ITGAL: variants seen among roughly 807,000 people sequenced by gnomAD.
ITGAL encodes integrin alpha-L.
A neutral mutation model predicts 138.4 loss-of-function variants in ITGAL; 68 were observed. That is an observed-to-expected ratio of 0.49 (90% confidence interval 0.40 to 0.60). ITGAL has a LOEUF of 0.60. ITGAL is among the 20% of genes least tolerant of loss of function. ITGAL has a pLI of 0.00. For synonymous variants in ITGAL, 561 were observed against 584.3 expected (o/e 0.96, Z 0.57); for missense variants, 1,256 against 1,478.6 (o/e 0.85, Z 2.47).
intron 9 of ITGAL, among the ~76,000 whole-genome samples, chr16:30,488,216 G>A (rs1319636496): frequency 1.3e-5 from 2 of 151,792 alleles, no homozygotes; most frequent in Admixed American, 6.6e-5. Flanking sequence ...AAAGAAAAAG[G>A]GTGTATTTCA....
In ITGAL at chr16:30,506,735, C is replaced by T; in HGVS notation, c.2387C>T (p.Thr796Ile). ...CACAGATCCAGAGCCCTGCGTCTAA[C>T]TGCTTTTGCCAGCCTCTCTGTGGAG... ...SPARSRALRLTAFASLSVELS... is the reference protein window; with the variant it reads ...SPARSRALRLIAFASLSVELS... The change falls in exon 21 of 31, where the codon ACT becomes ATT. Residue 796 changes from threonine (T) to isoleucine (I), a missense_variant. This residue lies in a region of ITGAL where 867 missense variants were observed against 972.5 expected (regional missense o/e 0.89). Coordinates refer to ENST00000356798, the MANE Select transcript of ITGAL (RefSeq NM_002209.3). 1 of 1,613,932 alleles carries T rather than the reference C, an allele frequency of 6.2e-7. No individual in the cohort carries two copies. The highest frequency in any genetic ancestry group is 1.1e-5 in the South Asian group (1 of 91,078).
intron 26 of ITGAL, 90 bp from the exon 27 acceptor site, chr16:30,517,559 G>C (rs1729975697): frequency 9.3e-7 from 1 of 1,078,738 alleles, no homozygotes; most frequent in African/African-American, 1.5e-5. Context: ...AACTCACCCA[G>C]GGCCAGGGCC....
At position 30,494,876 on chromosome 16, in the gene ITGAL, G is replaced by C; in HGVS notation, c.1503+26G>C. 6.4e-7 allele frequency: 1 copy of C among 1,569,746 alleles called. No individual in the cohort carries two copies. The highest frequency in any genetic ancestry group is 8.7e-7 in the Non-Finnish European group (1 of 1,152,160). On this transcript the variant is annotated intron_variant, in intron 13 of 30. Coordinates refer to ENST00000356798, the MANE Select transcript of ITGAL (RefSeq NM_002209.3). This position sits in a 1 kb window ranked among gnomAD's most constrained non-coding sequence, Gnocchi z 4.2. ...GTGGGGCCAGGATCTGGAGCTGAGA[G>C]GGAGGAGGGAGAGCAGCAGAGATTC...
At position 30,475,413 on chromosome 16, in the gene ITGAL, G is replaced by A; in HGVS notation, c.259+13G>A. On this transcript the variant is annotated intron_variant, in intron 3 of 30. Transcript: ENST00000356798. ...GTCACCCTGAGAGGTGAGTAACTGG[G>A]GGGTGAGCTGGGAGGAATGGGATCT... 6.2e-7 allele frequency: 1 copy of A among 1,608,656 alleles called. No individual in the cohort carries two copies. Among genetic ancestry groups the A allele is most frequent in the South Asian group, 1.1e-5 (1 of 90,932 alleles).
At chr16:30,482,354 A>G (rs945125934) in intron 7 of ITGAL, among the ~76,000 whole-genome samples, 1 of 152,158 alleles carries the variant, frequency 6.6e-6, no homozygotes, top group African/African-American at 2.4e-5. Flanking sequence ...AGGGGGGAAA[A>G]TAGTAGGTGA....
In ITGAL at chr16:30,494,201, A is replaced by G. The variant is rs1597081845; in HGVS notation, c.1214-11A>G. On this transcript the variant is annotated splice_polypyrimidine_tract_variant and intron_variant, in intron 11 of 30. Transcript: ENST00000356798. This position sits in a 1 kb window ranked among gnomAD's most constrained non-coding sequence, Gnocchi z 4.2. The stretch of plus-strand genomic sequence containing the variant: ...GTGTTCCTAACTCCACACCCCACAC[A>G]CTTTCCTCAGGTTACACCGTGACCT... The G allele has an allele frequency of 6.3e-7, 1 of 1,587,240 alleles. No homozygotes were observed. The highest frequency in any genetic ancestry group is 8.6e-7 in the Non-Finnish European group (1 of 1,161,254).
chr16:30,511,482 A>G (rs1413545846), intron 24 of ITGAL, among the ~76,000 whole-genome samples: 5 of 152,138 alleles, frequency 3.3e-5, no homozygotes, highest in Non-Finnish European at 7.4e-5. Context: ...CCATTTTACC[A>G]ATGAACAAGC....
intron 25 of ITGAL, 118 bp from the exon 26 acceptor site, chr16:30,516,855 A>G (rs906081023): frequency 5.2e-6 from 4 of 763,656 alleles, no homozygotes; most frequent in South Asian, 4.2e-5. Context: ...CTAACCGACA[A>G]GGGCCCTGGG....
intron 30 of ITGAL, 111 bp downstream of exon 30, chr16:30,520,078 G>A (rs2051230680): frequency 5.2e-6 from 4 of 769,414 alleles, no homozygotes; most frequent in East Asian, 5.1e-5. Context: ...GAGCCAGGGG[G>A]CCTCAGAGCC....
chr16:30,496,791 G>A (rs754433075), intron 15 of ITGAL, among the ~76,000 whole-genome samples: 4 of 145,668 alleles, frequency 2.7e-5, no homozygotes, highest in Admixed American at 7.1e-5. Context: ...ACAGGTGCTC[G>A]CCACCACACC....
chr16:30,486,873 G>T (rs1033304653), intron 9 of ITGAL, among the ~76,000 whole-genome samples: 1 of 152,140 alleles, frequency 6.6e-6, no homozygotes, highest in Admixed American at 6.6e-5. Flanking sequence ...ACGGCTCACT[G>T]CAGCCTCAAA....
At position 30,474,201 on chromosome 16, in the gene ITGAL, G is replaced by C. The variant is rs771522052; in HGVS notation, c.67G>C (p.Ala23Pro). ...ACGACCCTTGCCTTCCTCAGCGCCG[G>C]CCTCGAGCTACAACCTGGACGTGCG... The part of the protein sequence containing the change: ...LLSGFFFFAP[A>P]SSYNLDVRGA... The change falls in exon 2 of 31, where the codon GCC becomes CCC. Residue 23 changes from alanine to proline, a missense_variant. By Grantham distance (27) the Ala-to-Pro change is conservative. Transcript: ENST00000356798. 1 of 1,600,866 alleles carries C rather than the reference G, an allele frequency of 6.2e-7. No homozygotes were observed. The highest frequency in any genetic ancestry group is 1.3e-5 in the African/African-American group (1 of 74,764).
chr16:30,479,452 T>C lies in ITGAL; in HGVS notation c.567T>C (p.Thr189=), dbSNP rs1455353532. The C allele has an allele frequency of 6.2e-7, 1 of 1,613,900 alleles. No homozygotes were observed. Among genetic ancestry groups the C allele is most frequent in the Non-Finnish European group, 8.5e-7 (1 of 1,179,992 alleles). ...MKDVMKKLSN[T]SYQFAAVQFS... ...ATGTGATGAAGAAACTCAGCAACAC[T>C]TCGTACCAGGTAAAAAAGTTAGTTA... Residue 189 remains threonine, a synonymous_variant, in exon 6 of 31, where the codon ACT becomes ACC. Coordinates refer to ENST00000356798, the MANE Select transcript of ITGAL (RefSeq NM_002209.3).
In ITGAL at chr16:30,506,752, T is replaced by G; in HGVS notation, c.2404T>G (p.Ser802Ala). The G allele has an allele frequency of 6.2e-7, 1 of 1,613,884 alleles. No homozygotes were observed. The highest frequency in any genetic ancestry group is 8.5e-7 in the Non-Finnish European group (1 of 1,179,918). ...ALRLTAFASL[S>A]VELSLSNLEE... ...GCGTCTAACTGCTTTTGCCAGCCTCTCTGTGGAGCTGAGCCTGAGTAACTT... is the reference window on the plus strand; with the variant it reads ...GCGTCTAACTGCTTTTGCCAGCCTCGCTGTGGAGCTGAGCCTGAGTAACTT... Residue 802 changes from serine (S) to alanine (A), a missense_variant, in exon 21 of 31, where the codon TCT becomes GCT. Ser to Ala is a moderately conservative substitution (Grantham distance 99, BLOSUM62 1). Transcript: ENST00000356798.
Position 30,496,267 on chromosome 16 carries a change from C to CG in ITGAL, c.1680dup (p.Leu561AlafsTer2), listed in dbSNP as rs1396999854. 2.5e-6 allele frequency: 4 copies of CG among 1,601,276 alleles called. No homozygotes were observed. The highest frequency in any genetic ancestry group is 1.7e-5 in the Admixed American group (1 of 58,958). On this transcript the variant is annotated frameshift_variant, in exon 14 of 31. Coordinates refer to ENST00000356798, the MANE Select transcript of ITGAL (RefSeq NM_002209.3). LOFTEE classifies it high-confidence loss of function. Reference sequence around the variant, plus strand: ...CTGTGTACATCTTCAATGGGAGGCACGGGGGGCTTAGTCCCCAGCCAAGTC... The same window carrying CG: ...CTGTGTACATCTTCAATGGGAGGCACGGGGGGGCTTAGTCCCCAGCCAAGTC...
Position 30,517,636 on chromosome 16 carries a change from C to G in ITGAL, c.2977-13C>G. ...GGGGAGGCTCTAACTGAAGACCTGCCGCTTGTTCCTAGGAGCCTCCCGTGC... is the reference window on the plus strand; with the variant it reads ...GGGGAGGCTCTAACTGAAGACCTGCGGCTTGTTCCTAGGAGCCTCCCGTGC... On this transcript the variant is annotated splice_polypyrimidine_tract_variant and intron_variant, in intron 26 of 30. Coordinates refer to ENST00000356798, the MANE Select transcript of ITGAL (RefSeq NM_002209.3). The G allele has an allele frequency of 6.2e-7, 1 of 1,612,756 alleles. No individual in the cohort carries two copies. Among genetic ancestry groups the G allele is most frequent in the Non-Finnish European group, 8.5e-7 (1 of 1,178,830 alleles).
intron 25 of ITGAL, 35 bp from the exon 26 acceptor site, chr16:30,516,938 A>ATTC (rs2151206860): frequency 1.4e-6 from 2 of 1,480,024 alleles, no homozygotes; most frequent in East Asian, 4.5e-5. Flanking sequence ...GGTGGCTGGC[A>ATTC]TTCAGGGCTC....
In ITGAL at chr16:30,511,050, T is replaced by C. The variant is rs753876193; in HGVS notation, c.2700T>C (p.Cys900=). The change falls in exon 24 of 31, where the codon TGT becomes TGC. Residue 900 remains cysteine, a splice_region_variant and synonymous_variant. Transcript: ENST00000356798. ...TGGCCTCTTCCTTGCCCCAATGCAG[T>C]AACAATGAGGACTCAGACCTCCTGG... ...DSVELHANVT[C]NNEDSDLLED... The C allele has an allele frequency of 1.2e-6, 2 of 1,613,646 alleles. No individual in the cohort carries two copies. Among genetic ancestry groups the C allele is most frequent in the Non-Finnish European group, 1.7e-6 (2 of 1,179,676 alleles).
chr16:30,517,059 C>T lies in ITGAL; in HGVS notation c.2949C>T (p.Pro983=). ...TGCCACAGCCTCCCAGCGAGGGGCCCATCACACACCAGTGGAGCGTGCAGA... is the reference window on the plus strand; with the variant it reads ...TGCCACAGCCTCCCAGCGAGGGGCCTATCACACACCAGTGGAGCGTGCAGA... The part of the protein sequence containing the change: ...VGVPQPPSEG[P]ITHQWSVQME... The change falls in exon 26 of 31, where the codon CCC becomes CCT. Residue 983 remains proline, a synonymous_variant. Coordinates refer to ENST00000356798, the MANE Select transcript of ITGAL (RefSeq NM_002209.3). 1 of 1,612,106 alleles carries T rather than the reference C, an allele frequency of 6.2e-7. No individual in the cohort carries two copies. Among genetic ancestry groups the T allele is most frequent in the South Asian group, 1.1e-5 (1 of 90,964 alleles).
Sources: allele counts gnomAD v4.1 joint callset (sites outside exome capture counted in the v4.1 genomes callset), GRCh38; gene constraint gnomAD v4.1.1; regional missense constraint gnomAD v4.1.1; non-coding constraint Gnocchi (gnomAD v3.1); transcripts MANE v1.5; gene names NCBI Gene and HGNC (gene_info 2026-07-23, HGNC 2026-07-21).